Variants in ADGRV1 observed in about 807,000 individuals in gnomAD.
The protein encoded by ADGRV1 is G-protein coupled receptor 98.
A neutral mutation model predicts 596.2 loss-of-function variants in ADGRV1; 359 were observed. The ratio of observed to expected loss-of-function variants is 0.60; its 90% CI spans 0.55 to 0.66. The LOEUF (loss-of-function observed/expected upper bound fraction) is 0.66. Ranked by LOEUF, ADGRV1 falls within the 30% of genes least tolerant of loss-of-function variation. The pLI is 0.00. For synonymous variants in ADGRV1, 2,681 were observed against 2,679.2 expected, an observed-to-expected ratio of 1.00 and a Z score of -0.02; for missense variants, 7,274 against 7,575.6, an observed-to-expected ratio of 0.96 and a Z score of 1.48.
chr5:91,004,853 C>G (rs1782145915), intron 85 of ADGRV1, among the ~76,000 whole-genome samples: 1 of 151,974 alleles, frequency 6.6e-6, no homozygotes, highest in African/African-American at 2.4e-5. Context: ...GTGAGAAGTC[C>G]TAGGGGAGAG....
At chr5:90,628,433 C>T (rs1765082216) in intron 7 of ADGRV1, 129 bp from the exon 8 acceptor site, 1 of 760,070 alleles carries the variant, frequency 1.3e-6, no homozygotes, top group Non-Finnish European at 2.2e-6. Context: ...AATAACAAAT[C>T]AGTTATTTTT....
intron 1 of ADGRV1, among the ~76,000 whole-genome samples, chr5:90,611,197 A>G (rs1762694862): frequency 1.3e-5 from 2 of 151,970 alleles, no homozygotes; most frequent in South Asian, 4.2e-4. Context: ...CAACCATTTT[A>G]CATTGTAAGA....
chr5:90,956,448 T>C (rs780384444), intron 83 of ADGRV1, among the ~76,000 whole-genome samples: 2 of 152,204 alleles, frequency 1.3e-5, no homozygotes, highest in Non-Finnish European at 2.9e-5. Context: ...AACCTTAGTG[T>C]GCTATCTATG....
intron 85 of ADGRV1, among the ~76,000 whole-genome samples, chr5:90,994,553 G>T: frequency 6.6e-6 from 1 of 152,010 alleles, no homozygotes; most frequent in East Asian, 1.9e-4. Flanking sequence ...CTAACATCTG[G>T]GTTGCCTGAG....
At chr5:90,938,852 T>C (rs1007699052) in intron 83 of ADGRV1, among the ~76,000 whole-genome samples, 1 of 152,212 alleles carries the variant, frequency 6.6e-6, no homozygotes, top group East Asian at 1.9e-4. Context: ...AGGATCTGCT[T>C]TTGTTATCTT....
rs972502732 is a variant in ADGRV1, at chr5:90,778,785, T to C, written c.12850-80T>C. On this transcript the variant is annotated intron_variant, in intron 63 of 89. Coordinates refer to ENST00000405460, the MANE Select transcript of ADGRV1 (RefSeq NM_032119.4). ...ATATGTAATTTTAACACAATCCTGG[T>C]AAATAGAACGTTTAGTTACAGACAG... 4.1e-6 allele frequency: 5 copies of C among 1,220,924 alleles called. No individual in the cohort carries two copies. The African/African-American group carries it at 6.0e-5, about 15-fold the overall frequency. The allele number at this position is 1,220,924 out of a possible 1,614,324, so 75.6% of individuals were successfully genotyped here.
At chr5:90,628,976 G>C in intron 8 of ADGRV1, 144 bp downstream of exon 8, 1 of 765,360 alleles carries the variant, frequency 1.3e-6, no homozygotes, top group Non-Finnish European at 2.0e-6. Context: ...TTCTTACTCA[G>C]TATTCCTTCT....
chr5:91,053,979 A>G (rs926344092), intron 85 of ADGRV1, among the ~76,000 whole-genome samples: 2 of 152,194 alleles, frequency 1.3e-5, no homozygotes, highest in East Asian at 1.9e-4. Flanking sequence ...TTCCGTTAGC[A>G]TAAGATCAAG....
At chr5:91,013,775 C>A (rs1385044300) in intron 85 of ADGRV1, among the ~76,000 whole-genome samples, 1 of 151,928 alleles carries the variant, frequency 6.6e-6, no homozygotes, top group African/African-American at 2.4e-5. Context: ...GTCATGTAAT[C>A]TTTGCTATTT....
At chr5:91,133,559 A>G (rs991569037) in intron 87 of ADGRV1, among the ~76,000 whole-genome samples, 5 of 152,244 alleles carry the variant, frequency 3.3e-5, no homozygotes, top group African/African-American at 1.2e-4. Flanking sequence ...TGAAGAAGTT[A>G]CTGACCCTCT....
Position 91,145,295 on chromosome 5 carries a change from A to C in ADGRV1, c.18433-4735A>C, listed in dbSNP as rs549835155. 1.2e-3 allele frequency among the ~76,000 whole-genome samples: 187 copies of C among 152,334 alleles called. 1 individual carries two copies. The highest frequency in any genetic ancestry group is 1.8e-3 in the Non-Finnish European group (123 of 68,040). On this transcript the variant is annotated intron_variant, in intron 87 of 89. Coordinates refer to ENST00000405460, the MANE Select transcript of ADGRV1 (RefSeq NM_032119.4). ...AGATATAAAAACAAACAAGAGGGAG[A>C]ATACACTGTTTTAACAAATGGGTCC...
intron 2 of ADGRV1, among the ~76,000 whole-genome samples, chr5:90,615,629 G>A (rs1763270181): frequency 6.6e-6 from 1 of 151,682 alleles, no homozygotes; most frequent in Non-Finnish European, 1.5e-5. Context: ...TATACTTTTT[G>A]TTTGCAAAAA....
chr5:90,904,040 ATT>A (rs1207283433), intron 83 of ADGRV1, among the ~76,000 whole-genome samples: 1 of 152,050 alleles, frequency 6.6e-6, no homozygotes, highest in African/African-American at 2.4e-5. Context: ...TACCTGGCTT[ATT>A]TCACTTAACA....
chr5:90,983,428 A>G (rs1169738394), intron 84 of ADGRV1, among the ~76,000 whole-genome samples: 1 of 152,102 alleles, frequency 6.6e-6, no homozygotes, highest in Non-Finnish European at 1.5e-5. Context: ...AGCAATCTGT[A>G]CCCTCCTCCT....
intron 83 of ADGRV1, among the ~76,000 whole-genome samples, chr5:90,958,517 G>T (rs1198684753): frequency 6.8e-6 from 1 of 147,838 alleles, no homozygotes; most frequent in Non-Finnish European, 1.5e-5. Flanking sequence ...CCATAGCAAA[G>T]TAACACAGAC....
chr5:90,789,267 A>T (rs1241640184), intron 68 of ADGRV1, among the ~76,000 whole-genome samples: 1 of 152,136 alleles, frequency 6.6e-6, no homozygotes, highest in Non-Finnish European at 1.5e-5. Flanking sequence ...TGAGCGTTTG[A>T]CCAAACAACT....
chr5:91,139,570 A>C (rs982597987), intron 87 of ADGRV1, among the ~76,000 whole-genome samples: 1 of 152,174 alleles, frequency 6.6e-6, no homozygotes, highest in Non-Finnish European at 1.5e-5. Flanking sequence ...GTTTAAAGAG[A>C]TTTAATTGTG....
intron 85 of ADGRV1, among the ~76,000 whole-genome samples, chr5:91,035,844 G>GTATA (rs369415276): frequency 8.6e-5 from 3 of 34,766 alleles, no homozygotes; most frequent in African/African-American, 1.9e-4. Context: ...AAATGAGTGT[G>GTATA]TATATATATA....
chr5:90,745,536 T>C (rs1166054820), intron 51 of ADGRV1, 55 bp from the exon 52 acceptor site: 6 of 1,157,200 alleles, frequency 5.2e-6, no homozygotes, highest in African/African-American at 1.5e-5. Context: ...GTCTACTATG[T>C]ATATATCTTA....
Sources: gnomAD v4.1 joint callset for allele counts (sites outside exome capture counted in the v4.1 genomes callset) on GRCh38, gnomAD v4.1.1 for gene constraint, MANE v1.5 for transcripts, NCBI Gene and HGNC (gene_info 2026-07-23, HGNC 2026-07-21) for gene names.